The following FBXO25 variants were observed in gnomAD, a reference collection of about 807,000 sequenced individuals.
The protein encoded by FBXO25 is F-box protein 25, also known as F-box only protein 25.
A neutral mutation model predicts 51.9 loss-of-function variants in FBXO25; 45 were observed. The ratio of observed to expected loss-of-function variants is 0.87; its 90% confidence interval spans 0.68 to 1.11. The LOEUF is 1.11. FBXO25 is among the 50% of genes most tolerant of loss of function. The pLI, the probability that FBXO25 is intolerant of heterozygous loss-of-function variation, is 0.00. For missense variants in FBXO25, 507 were observed against 428.5 expected, an observed-to-expected ratio of 1.18 and a Z score of -1.62; for synonymous variants, 199 against 151.0, an observed-to-expected ratio of 1.32 and a Z score of -2.33.
chr8:444,694 A>G (rs1798628219), intron 5 of FBXO25, among the ~76,000 whole-genome samples: 1 of 152,128 alleles, frequency 6.6e-6, no homozygotes, highest in Non-Finnish European at 1.5e-5. Context: ...TGTTTTGGTC[A>G]ATGACCGACC....
At chr8:444,821 A>G (rs942966615) in intron 5 of FBXO25, among the ~76,000 whole-genome samples, 5 of 152,206 alleles carry the variant, frequency 3.3e-5, no homozygotes, top group Non-Finnish European at 7.3e-5. Context: ...TGTTCAGTGC[A>G]TTAATATGTT....
intron 4 of FBXO25, 169 bp from the exon 5 acceptor site, chr8:435,446 T>C: frequency 1.2e-6 from 1 of 849,758 alleles, no homozygotes; most frequent in Admixed American, 3.3e-5. Flanking sequence ...CTTAAATTAT[T>C]AGCATTGCTA....
chr8:431,533 G>C (rs1797821577), intron 3 of FBXO25, 89 bp downstream of exon 3: 2 of 681,086 alleles, frequency 2.9e-6, no homozygotes, highest in Admixed American at 3.3e-5. Context: ...GAAATAAAAG[G>C]TGATACAAAT....
intron 7 of FBXO25, among the ~76,000 whole-genome samples, chr8:457,203 G>A (rs1799498084): frequency 6.6e-6 from 1 of 152,204 alleles, no homozygotes; most frequent in Non-Finnish European, 1.5e-5. Context: ...GGACCAGGTA[G>A]CCTCTGTCCC....
At chr8:435,252 T>C (rs1323378090) in intron 4 of FBXO25, among the ~76,000 whole-genome samples, 5 of 152,162 alleles carry the variant, frequency 3.3e-5, no homozygotes, top group Non-Finnish European at 5.9e-5. Context: ...GATTTATGTA[T>C]TTTTAGTTGC....
intron 1 of FBXO25, among the ~76,000 whole-genome samples, chr8:407,667 C>T (rs181801747): frequency 1.5e-4 from 23 of 152,246 alleles, no homozygotes; most frequent in Non-Finnish European, 5.9e-5. Flanking sequence ...GTCCTTGCCT[C>T]TTCGCCGGTG....
rs1800283408 is a variant in FBXO25 at position 467,878 on chromosome 8, C to A, written c.988-837C>A. ...CGCTGACTTGAGCTTTCTCAGGACC[C>A]TGAGCAGGGCTGAGTGGCCACTTTG... On this transcript the variant is annotated intron_variant, in intron 9 of 9. Transcript: ENST00000350302. The A allele has an allele frequency of 5.2e-6, 8 of 1,550,766 alleles. No homozygotes were observed. In the Admixed American group the frequency reaches 1.5e-4, roughly 29 times the overall value.
intron 2 of FBXO25, among the ~76,000 whole-genome samples, chr8:420,997 T>C (rs1797119437): frequency 6.6e-6 from 1 of 152,214 alleles, no homozygotes; most frequent in Non-Finnish European, 1.5e-5. Context: ...ACTTATCCCA[T>C]AATCCAGGGG....
At chr8:428,580 G>A (rs1227332224) in intron 2 of FBXO25, among the ~76,000 whole-genome samples, 1 of 152,028 alleles carries the variant, frequency 6.6e-6, no homozygotes, top group Non-Finnish European at 1.5e-5. Flanking sequence ...ATTTTTAAAT[G>A]TACAGTTCAG....
intron 5 of FBXO25, among the ~76,000 whole-genome samples, chr8:443,889 G>C (rs1798579253): frequency 6.6e-6 from 1 of 152,108 alleles, no homozygotes; most frequent in African/African-American, 2.4e-5. Flanking sequence ...AGATCACTGA[G>C]GGCTGTGTCC....
intron 9 of FBXO25, 43 bp downstream of exon 9, chr8:463,193 T>C (rs3735924): frequency 0.13 from 208,786 of 1,596,138 alleles, 15,055 homozygotes; most frequent in African/African-American, 0.26. Context: ...GATTAAATTT[T>C]GGTGAAACAA....
intron 2 of FBXO25, among the ~76,000 whole-genome samples, chr8:420,704 C>T (rs544413376): frequency 4.7e-4 from 72 of 152,310 alleles, no homozygotes; most frequent in African/African-American, 1.5e-3. Context: ...CTGTATGATT[C>T]TATCTAAAGG....
Position 470,709 on chromosome 8 carries a change from A to C in FBXO25, c.*1905A>C, listed in dbSNP as rs1800457781. 1 of 152,222 alleles carries C rather than the reference A, an allele frequency of 6.6e-6. No homozygotes were observed. The allele number at this position is 152,222 out of a possible 1,614,324, so 9.4% of individuals were successfully genotyped here. The stretch of plus-strand genomic sequence containing the variant: ...AAAAGAAATTGTTCTAATCTAGGAA[A>C]GGGAGTAAGTACATTGAGTTTCCAT... On this transcript the variant is annotated 3_prime_UTR_variant, in exon 10 of 10. Transcript: ENST00000350302.
intron 2 of FBXO25, among the ~76,000 whole-genome samples, chr8:415,839 A>C (rs776547987): frequency 7.2e-5 from 11 of 152,184 alleles, no homozygotes; most frequent in Non-Finnish European, 1.5e-4. Flanking sequence ...AGAGTGTCTA[A>C]ATACTATATA....
At chr8:454,793 A>T (rs1273119018) in intron 7 of FBXO25, among the ~76,000 whole-genome samples, 2 of 151,510 alleles carry the variant, frequency 1.3e-5, no homozygotes, top group East Asian at 3.9e-4. Flanking sequence ...TGGGAGGCTG[A>T]GGCAGGAGAA....
chr8:433,177 T>G (rs1797914294), intron 4 of FBXO25, among the ~76,000 whole-genome samples: 1 of 152,104 alleles, frequency 6.6e-6, no homozygotes, highest in South Asian at 2.1e-4. Context: ...TTTGTGTGTG[T>G]TGTGTGTATG....
At chr8:429,801 G>A (rs1413990077) in intron 2 of FBXO25, among the ~76,000 whole-genome samples, 3 of 152,196 alleles carry the variant, frequency 2.0e-5, no homozygotes, top group Non-Finnish European at 4.4e-5. Context: ...CACTGCCCAG[G>A]CAGGCCCAGG....
In FBXO25 at chr8:451,492, T is replaced by C. The variant is rs367975376; in HGVS notation, c.660+39T>C. 2.6e-4 allele frequency: 409 copies of C among 1,572,530 alleles called. 1 individual carries two copies. The highest frequency in any genetic ancestry group is 8.4e-4 in the Middle Eastern group (5 of 5,952). On this transcript the variant is annotated intron_variant, in intron 7 of 9. Transcript: ENST00000350302. ...GGCATAAGAGTTATTACACTCTGTTTTTATATTACAGAAGTTATCTTTTCT... is the reference window on the plus strand; with the variant it reads ...GGCATAAGAGTTATTACACTCTGTTCTTATATTACAGAAGTTATCTTTTCT...
intron 1 of FBXO25, among the ~76,000 whole-genome samples, chr8:409,110 A>G (rs1796338039): frequency 6.6e-6 from 1 of 152,198 alleles, no homozygotes; most frequent in Admixed American, 6.5e-5. Context: ...CAGAAGCCTC[A>G]GTTTGGGAGT....
Sources: allele counts gnomAD v4.1 joint callset (sites outside exome capture counted in the v4.1 genomes callset), GRCh38; gene constraint gnomAD v4.1.1; transcripts MANE v1.5; gene names NCBI Gene and HGNC (gene_info 2026-07-23, HGNC 2026-07-21).